Variants in TMEM205 observed in about 807,000 individuals in gnomAD.
TMEM205 encodes the protein MBC3205.
TMEM205 carries 11 observed loss-of-function variants against 17.9 expected under a neutral mutation model. That is an observed-to-expected ratio of 0.61 (90% confidence interval 0.39 to 1.02). TMEM205 has a LOEUF of 1.02. Among genes scored for constraint, TMEM205 ranks in the 50% least tolerant of loss-of-function variants. The pLI is 0.01. For synonymous variants in TMEM205, 86 were observed against 97.4 expected (o/e 0.88, Z 0.69); for missense variants, 236 against 239.4 (o/e 0.99, Z 0.09).
chr19:11,345,610 C>T lies in TMEM205; in HGVS notation c.10G>A (p.Gly4Ser). Residue 4 changes from glycine to serine, a missense_variant, in exon 1 of 3, where the codon GGC becomes AGC. Gly to Ser is a moderately conservative substitution (Grantham distance 56). Transcript: ENST00000354882. MEE[G>S]GNLGGLIKMV... ...TTAATCAGGCCTCCTAGGTTCCCGC[C>T]TTCCTCCATCTTGCAGTCCTGGGAA... The T allele has an allele frequency of 6.2e-7, 1 of 1,613,964 alleles. No homozygotes were observed.
Position 11,345,586 on chromosome 19 carries a change from T to G in TMEM205, c.34A>C (p.Lys12Gln). The change falls in exon 1 of 3, where the codon AAG (lysine) becomes CAG (glutamine). Residue 12 changes from lysine to glutamine, a missense_variant. Transcript: ENST00000354882. The part of the protein sequence containing the change: ...EEGGNLGGLI[K>Q]MVHLLVLSGA... ...GACAAGACCAGTAGATGGACCATCT[T>G]AATCAGGCCTCCTAGGTTCCCGCCT... 1 of 1,614,110 alleles carries G rather than the reference T, an allele frequency of 6.2e-7. No individual in the cohort carries two copies.
rs147265345 is a variant in TMEM205, at chr19:11,342,871, C to A, written c.514G>T (p.Val172Phe). ...GCGAGACAGAGCCCATTGCTCAGGA[C>A]GCAGCCCAGATTGCAAAGAGAGGAC... Reference protein sequence around the residue: ...GLSSLCNLGCVLSNGLCLAGL... With the variant: ...GLSSLCNLGCFLSNGLCLAGL... The change falls in exon 3 of 3, where the codon GTC becomes TTC. Residue 172 changes from valine (V) to phenylalanine (F), a missense_variant. Transcript: ENST00000354882. 4 of 1,614,190 alleles carry A rather than the reference C, an allele frequency of 2.5e-6. No individual in the cohort carries two copies. The highest frequency in any genetic ancestry group is 3.4e-6 in the Non-Finnish European group (4 of 1,180,042).
intron 2 of TMEM205, among the ~76,000 whole-genome samples, chr19:11,344,952 T>C (rs1191809403): frequency 6.6e-6 from 1 of 151,036 alleles, no homozygotes; most frequent in Non-Finnish European, 1.5e-5. Flanking sequence ...GCCTCCTCGG[T>C]TCAAGCAATT....
At chr19:11,344,584 C>G (rs564116422) in intron 2 of TMEM205, 52 of 152,302 alleles carry the variant, frequency 3.4e-4, no homozygotes, top group African/African-American at 1.2e-3. Flanking sequence ...AATTCCCAGT[C>G]GGGCTGGTTT....
chr19:11,346,259 C>A lies in TMEM205; in HGVS notation c.-640G>T. The A allele has an allele frequency of 2.6e-6, 1 of 378,732 alleles. No individual in the cohort carries two copies. Among genetic ancestry groups the A allele is most frequent in the Non-Finnish European group, 4.8e-6 (1 of 209,318 alleles). The allele number at this position is 378,732 out of a possible 1,614,324, so 23.5% of individuals were successfully genotyped here. A position where few individuals can be genotyped will look rare whatever the true frequency, so the allele number is the denominator to read the frequency against. The stretch of plus-strand genomic sequence containing the variant: ...GCGACCCTCCTCGGCCGCGTCCCCT[C>A]GTGGGTTTCCCCCAACCAATAATTC... On this transcript the variant is annotated 5_prime_UTR_variant, in exon 1 of 3. Transcript: ENST00000354882.
rs1160220028 is a variant in TMEM205, at chr19:11,345,871, T to C, written c.-252A>G. 38 of 575,932 alleles carry C rather than the reference T, an allele frequency of 6.6e-5. 1 individual carries two copies. The South Asian group carries it at 8.2e-4, about 12-fold the overall frequency. 35.7% of individuals were successfully genotyped at this position (575,932 alleles called of 1,614,324 possible). On this transcript the variant is annotated 5_prime_UTR_variant, in exon 1 of 3. Coordinates refer to ENST00000354882, the MANE Select transcript of TMEM205 (RefSeq NM_198536.3). ...CTCTGGACCTCAATCTCCATGCCACTTCAGAGGCCCCAAATTTCAGCCACA... is the reference window on the plus strand; with the variant it reads ...CTCTGGACCTCAATCTCCATGCCACCTCAGAGGCCCCAAATTTCAGCCACA...
In TMEM205 at chr19:11,346,171, A is replaced by G. The variant is rs1599373053; in HGVS notation, c.-552T>C. 4.0e-6 allele frequency: 1 copy of G among 252,964 alleles called. No individual in the cohort carries two copies. The highest frequency in any genetic ancestry group is 7.8e-6 in the Non-Finnish European group (1 of 128,788). 15.7% of individuals were successfully genotyped at this position (252,964 alleles called of 1,614,324 possible). A position where few individuals can be genotyped will look rare whatever the true frequency, so the allele number is the denominator to read the frequency against. ...AATCCGCAGCACCCGGATTCCGAGA[A>G]CAGAGGCGTCGGGGCCAAATGGGCT... On this transcript the variant is annotated 5_prime_UTR_variant, in exon 1 of 3. Coordinates refer to ENST00000354882, the MANE Select transcript of TMEM205 (RefSeq NM_198536.3).
intron 2 of TMEM205, among the ~76,000 whole-genome samples, chr19:11,343,857 G>C (rs1056859442): frequency 1.3e-5 from 2 of 151,610 alleles, no homozygotes; most frequent in African/African-American, 2.4e-5. Flanking sequence ...CTGTAATCCC[G>C]GTGCTTTCAG....
upstream of TMEM205, chr19:11,346,287 C>T (rs867833196): frequency 6.9e-6 from 3 of 437,166 alleles, no homozygotes; most frequent in South Asian, 8.0e-5. Flanking sequence ...AATAATTCGT[C>T]CCGCCTCCCA....
Position 11,345,646 on chromosome 19 carries a change from G to C in TMEM205, c.-27C>G, listed in dbSNP as rs757777961. 6.2e-7 allele frequency: 1 copy of C among 1,613,232 alleles called. No homozygotes were observed. Among genetic ancestry groups the C allele is most frequent in the Non-Finnish European group, 8.5e-7 (1 of 1,179,696 alleles). ...TTGCAGTCCTGGGAAGGAGGCACCG[G>C]GTGGCTCAGAACTTTACCTTTGCCT... On this transcript the variant is annotated 5_prime_UTR_variant, in exon 1 of 3. Transcript: ENST00000354882.
At chr19:11,343,613 G>A (rs193239401) in intron 2 of TMEM205, among the ~76,000 whole-genome samples, 40 of 152,044 alleles carry the variant, frequency 2.6e-4, no homozygotes, top group Admixed American at 7.9e-4. Context: ...GCAAAACCCC[G>A]TCTCTACTAA....
At chr19:11,345,147 T>G (rs967686038) in intron 2 of TMEM205, 105 bp downstream of exon 2, 2 of 1,288,968 alleles carry the variant, frequency 1.6e-6, no homozygotes, top group East Asian at 2.5e-5. Flanking sequence ...TGAGCCACCA[T>G]GCCTAGCCTT....
intron 2 of TMEM205, among the ~76,000 whole-genome samples, chr19:11,343,525 A>G (rs1967022139): frequency 2.6e-5 from 4 of 152,150 alleles, no homozygotes; most frequent in South Asian, 2.1e-4. Context: ...GCTCATGCCT[A>G]TAGTCCCAGC....
intron 2 of TMEM205, chr19:11,344,669 A>C (rs1967076914): frequency 6.6e-6 from 1 of 152,470 alleles, no homozygotes; most frequent in African/African-American, 2.4e-5. Flanking sequence ...AGCCAGCGGG[A>C]GGAGAGGGAA....
At position 11,345,655 on chromosome 19, in the gene TMEM205, G is replaced by A. The variant is rs779193615; in HGVS notation, c.-36C>T. The A allele has an allele frequency of 1.2e-6, 2 of 1,612,544 alleles. No homozygotes were observed. Reference sequence around the variant, plus strand: ...TGGGAAGGAGGCACCGGGTGGCTCAGAACTTTACCTTTGCCTCATGCGTGG... The same window carrying A: ...TGGGAAGGAGGCACCGGGTGGCTCAAAACTTTACCTTTGCCTCATGCGTGG... On this transcript the variant is annotated 5_prime_UTR_variant, in exon 1 of 3. Transcript: ENST00000354882.
At chr19:11,346,372 A>T, upstream of TMEM205, 1 of 600,840 alleles carries the variant, frequency 1.7e-6, no homozygotes, top group Non-Finnish European at 2.9e-6. Flanking sequence ...CTAATCGTAG[A>T]AACCCCCCTG....
chr19:11,343,583 G>C (rs1221256180), intron 2 of TMEM205, among the ~76,000 whole-genome samples: 1 of 152,148 alleles, frequency 6.6e-6, no homozygotes, highest in African/African-American at 2.4e-5. Context: ...AGGAGTTCAA[G>C]GACAGCCTGG....
rs754760077 is a variant in TMEM205 at position 11,343,094 on chromosome 19, C to G, written c.291G>C (p.Thr97=). 6.2e-7 allele frequency: 1 copy of G among 1,612,866 alleles called. No individual in the cohort carries two copies. The highest frequency in any genetic ancestry group is 1.7e-5 in the Admixed American group (1 of 59,952). The change falls in exon 3 of 3, where the codon ACG becomes ACC. Residue 97 remains threonine (T), a synonymous_variant. Coordinates refer to ENST00000354882, the MANE Select transcript of TMEM205 (RefSeq NM_198536.3). The part of the protein sequence containing the change: ...SQLYLLFLSL[T]LATVNARWLE... The stretch of plus-strand genomic sequence containing the variant: ...GCCAGCGGGCGTTGACAGTGGCCAG[C>G]GTAAGGCTCAGGAACAGCAGGTAAA...
chr19:11,343,030 T>C lies in TMEM205; in HGVS notation c.355A>G (p.Thr119Ala), dbSNP rs1489874313. Reference protein sequence around the residue: ...RTTAAMWALQTVEKERGLGGE... With the variant: ...RTTAAMWALQAVEKERGLGGE... Reference sequence around the variant, plus strand: ...CCCAGGCCTCGCTCCTTCTCCACGGTTTGCAGGGCCCACATGGCAGCTGTG... The same window carrying C: ...CCCAGGCCTCGCTCCTTCTCCACGGCTTGCAGGGCCCACATGGCAGCTGTG... The change falls in exon 3 of 3, where the codon ACC becomes GCC. Residue 119 changes from threonine to alanine, a missense_variant. Thr to Ala is a moderately conservative substitution (Grantham distance 58). Transcript: ENST00000354882. The C allele has an allele frequency of 6.2e-7, 1 of 1,613,988 alleles. No homozygotes were observed. The highest frequency in any genetic ancestry group is 1.3e-5 in the African/African-American group (1 of 74,910).
Sources: gnomAD v4.1 joint callset for allele counts (sites outside exome capture counted in the v4.1 genomes callset) on GRCh38, gnomAD v4.1.1 for gene constraint, MANE v1.5 for transcripts, NCBI Gene and HGNC (gene_info 2026-07-23, HGNC 2026-07-21) for gene names.